DNAH12: variants seen among roughly 807,000 people sequenced by gnomAD.
DNAH12 encodes axonemal beta dynein heavy chain 12.
In DNAH12, 285 loss-of-function variants were observed where a neutral mutation model predicts 371.5. That is an observed-to-expected ratio of 0.77 (90% confidence interval 0.70 to 0.85). DNAH12 has a LOEUF of 0.85. Among genes scored for constraint, DNAH12 ranks in the 40% least tolerant of loss-of-function variants. DNAH12 has a pLI of 0.00. For missense variants in DNAH12, 3,611 were observed against 3,689.4 expected, an observed-to-expected ratio of 0.98 and a Z score of 0.55; for synonymous variants, 1,200 against 1,213.0, an observed-to-expected ratio of 0.99 and a Z score of 0.22.
intron 37 of DNAH12, among the ~76,000 whole-genome samples, chr3:57,417,405 T>C (rs1229479294): frequency 6.6e-6 from 1 of 152,210 alleles, no homozygotes; most frequent in African/African-American, 2.4e-5. Context: ...AAAGTTCTTT[T>C]AGAAACAGAG....
At chr3:57,553,405 G>C in the DNAH12 span, among the ~76,000 whole-genome samples, 1 of 152,150 alleles carries the variant, frequency 6.6e-6, no homozygotes. Flanking sequence ...ACCAGGTATA[G>C]AGCCCAGTAC....
At chr3:57,537,068 C>CGCACAG (rs2069075858) in intron 2 of DNAH12, among the ~76,000 whole-genome samples, 1 of 135,718 alleles carries the variant, frequency 7.4e-6, no homozygotes, top group Non-Finnish European at 1.6e-5. Context: ...GTGGCGCACA[C>CGCACAG]CTGTAGTCCC....
intron 17 of DNAH12, among the ~76,000 whole-genome samples, chr3:57,465,022 ATATGAAG>A (rs886919113): frequency 3.9e-5 from 6 of 152,296 alleles, no homozygotes; most frequent in African/African-American, 1.4e-4. Flanking sequence ...ATATGGGTGG[ATATGAAG>A]TATGTCACAG....
At chr3:57,475,785 T>C (rs1473255984) in intron 13 of DNAH12, among the ~76,000 whole-genome samples, 2 of 152,164 alleles carry the variant, frequency 1.3e-5, no homozygotes, top group Non-Finnish European at 2.9e-5. Context: ...CATCTCACAA[T>C]TGCAAGTAAG....
chr3:57,534,077 A>G (rs1182241391), intron 2 of DNAH12, among the ~76,000 whole-genome samples: 1 of 152,184 alleles, frequency 6.6e-6, no homozygotes, highest in Non-Finnish European at 1.5e-5. Context: ...GGGCTGGCCT[A>G]TATGCTCCCT....
chr3:57,432,482 G>C (rs1448871747), intron 32 of DNAH12, among the ~76,000 whole-genome samples: 1 of 149,770 alleles, frequency 6.7e-6, no homozygotes, highest in Non-Finnish European at 1.5e-5. Context: ...GCCCGGCCTT[G>C]AGTGTATCTT....
chr3:57,470,797 C>T (rs1033997742), intron 15 of DNAH12, among the ~76,000 whole-genome samples, 161 bp from the exon 16 acceptor site: 1 of 152,228 alleles, frequency 6.6e-6, no homozygotes, highest in Non-Finnish European at 1.5e-5. Flanking sequence ...ACCTCTGCCC[C>T]GCTGGTTCAA....
chr3:57,322,280 T>G (rs2061824307), intron 65 of DNAH12, 63 bp downstream of exon 65: 1 of 1,416,082 alleles, frequency 7.1e-7, no homozygotes. Context: ...TAAACAAAAT[T>G]TTACACTTCC....
intron 70 of DNAH12, among the ~76,000 whole-genome samples, chr3:57,298,862 C>CT (rs1325026874): frequency 6.6e-6 from 1 of 152,164 alleles, no homozygotes; most frequent in African/African-American, 2.4e-5. Flanking sequence ...CTCTTGGCAG[C>CT]TTCAGGGCAG....
At chr3:57,510,267 G>A (rs953364615) in intron 5 of DNAH12, among the ~76,000 whole-genome samples, 1 of 151,902 alleles carries the variant, frequency 6.6e-6, no homozygotes, top group African/African-American at 2.4e-5. Flanking sequence ...AATACAAAAA[G>A]TACCCTTAAA....
At chr3:57,512,048 A>T (rs1474448964) in intron 4 of DNAH12, among the ~76,000 whole-genome samples, 1 of 151,928 alleles carries the variant, frequency 6.6e-6, no homozygotes, top group Non-Finnish European at 1.5e-5. Context: ...AAAAGGAAAC[A>T]AGTAATAGAT....
At chr3:57,521,758 G>T (rs1007229922) in intron 4 of DNAH12, among the ~76,000 whole-genome samples, 3 of 151,100 alleles carry the variant, frequency 2.0e-5, no homozygotes, top group African/African-American at 7.3e-5. Flanking sequence ...ATGGTGGCAG[G>T]CGCCTGTAAT....
chr3:57,323,573 T>G lies in DNAH12; in HGVS notation c.10025A>C (p.Lys3342Thr). 3 of 1,549,100 alleles carry G rather than the reference T, an allele frequency of 1.9e-6. No individual in the cohort carries two copies. Among genetic ancestry groups the G allele is most frequent in the Middle Eastern group, 3.3e-4 (2 of 5,982 alleles). ...ATCAAATGGTGGAGGCTCTACAAACTTTTTCCCTAGTTTGTCAGTTACATA... is the reference window on the plus strand; with the variant it reads ...ATCAAATGGTGGAGGCTCTACAAACGTTTTCCCTAGTTTGTCAGTTACATA... ...TNYVTDKLGK[K>T]FVEPPPFDLT... Residue 3342 changes from lysine (K) to threonine (T), a missense_variant, in exon 63 of 74, where the codon AAG becomes ACG. Physicochemically the swap from Lys to Thr is moderately conservative, Grantham distance 78 (BLOSUM62 -1). This residue lies in a region of DNAH12 where 2,266 missense variants were observed against 2,236.9 expected (regional missense o/e 1.01). Coordinates refer to ENST00000495027, the MANE Select transcript of DNAH12 (RefSeq NM_001366028.2).
chr3:57,479,017 T>G (rs1277718205), intron 13 of DNAH12, among the ~76,000 whole-genome samples: 3 of 152,124 alleles, frequency 2.0e-5, no homozygotes, highest in Non-Finnish European at 4.4e-5. Context: ...CTGCATCAAG[T>G]AACGAGCAAA....
At chr3:57,297,440 CTGCCT>C (rs2061255010) in intron 70 of DNAH12, 1 of 157,210 alleles carries the variant, frequency 6.4e-6, no homozygotes, top group Non-Finnish European at 1.4e-5. Context: ...ACTGCAGCCT[CTGCCT>C]CCTGGGTTCG....
chr3:57,469,051 C>T, intron 16 of DNAH12, 72 bp from the exon 17 acceptor site: 1 of 1,394,346 alleles, frequency 7.2e-7, no homozygotes, highest in African/African-American at 1.5e-5. Context: ...ATCCTTTAGG[C>T]TAGACCCCTT....
intron 55 of DNAH12, among the ~76,000 whole-genome samples, chr3:57,369,009 C>G (rs1342802363): frequency 6.6e-6 from 1 of 151,804 alleles, no homozygotes; most frequent in African/African-American, 2.4e-5. Flanking sequence ...GAGTTCAAGA[C>G]CAGCCTGGCC....
chr3:57,454,623 AC>A (rs2065852596), intron 23 of DNAH12, among the ~76,000 whole-genome samples, 151 bp downstream of exon 23: 1 of 152,124 alleles, frequency 6.6e-6, no homozygotes, highest in Admixed American at 6.6e-5. Context: ...TAATCCTAAT[AC>A]TTTGGGAGGT....
Position 57,453,004 on chromosome 3 carries a change from C to T in DNAH12, c.3625G>A (p.Asp1209Asn), listed in dbSNP as rs1182225872. 2.6e-6 allele frequency: 4 copies of T among 1,543,044 alleles called. No individual in the cohort carries two copies. Among genetic ancestry groups the T allele is most frequent in the Non-Finnish European group, 3.5e-6 (4 of 1,145,322 alleles). Residue 1209 changes from aspartate (D) to asparagine (N), a missense_variant, in exon 25 of 74, where the codon GAT (aspartate) becomes AAT (asparagine). By Grantham distance (23) the Asp-to-Asn change is conservative. Coordinates refer to ENST00000495027, the MANE Select transcript of DNAH12 (RefSeq NM_001366028.2). ...TGAGCAAGCCACAGGAAATCTGTAT[C>T]ATGTGAGACACCTAGAAAAAATAAA... Reference protein sequence around the residue: ...MDMIKMGVSHDTDFLWLAQLR... With the variant: ...MDMIKMGVSHNTDFLWLAQLR...
Sources: allele counts gnomAD v4.1 joint callset (sites outside exome capture counted in the v4.1 genomes callset), GRCh38; gene constraint gnomAD v4.1.1; regional missense constraint gnomAD v4.1.1; transcripts MANE v1.5; gene names NCBI Gene and HGNC (gene_info 2026-07-23, HGNC 2026-07-21).